TRIM55: variants seen among roughly 807,000 people sequenced by gnomAD.
TRIM55 encodes tripartite motif containing 55.
In TRIM55, 50 loss-of-function variants were observed where a neutral mutation model predicts 60.9. That is an observed-to-expected ratio of 0.82 (90% confidence interval 0.65 to 1.04). The LOEUF (loss-of-function observed/expected upper bound fraction) is 1.04. Among genes scored for constraint, TRIM55 ranks in the 50% least tolerant of loss-of-function variants. TRIM55 has a pLI of 0.00. For missense variants in TRIM55, 681 were observed against 666.9 expected (o/e 1.02, Z -0.23); for synonymous variants, 237 against 238.1 (o/e 1.00, Z 0.04).
intron 9 of TRIM55, among the ~76,000 whole-genome samples, chr8:66,156,296 C>A (rs1477134308): frequency 6.6e-6 from 1 of 152,124 alleles, no homozygotes; most frequent in Non-Finnish European, 1.5e-5. Context: ...GATGCCCTGA[C>A]TGAAGAAATA....
In TRIM55 at chr8:66,154,149, A is replaced by C; in HGVS notation, c.1339A>C (p.Lys447Gln). The C allele has an allele frequency of 6.2e-7, 1 of 1,614,102 alleles. No homozygotes were observed. The highest frequency in any genetic ancestry group is 8.5e-7 in the Non-Finnish European group (1 of 1,180,012). ...ADPLFYPSWY[K>Q]GQTRKATTNP... Reference sequence around the variant, plus strand: ...TCCCTTGTTTTACCCTAGTTGGTATAAAGGCCAAACCCGGAAAGCCACCAC... The same window carrying C: ...TCCCTTGTTTTACCCTAGTTGGTATCAAGGCCAAACCCGGAAAGCCACCAC... The change falls in exon 9 of 10, where the codon AAA becomes CAA. Residue 447 changes from lysine to glutamine, a missense_variant. Transcript: ENST00000315962.
At chr8:66,151,505 T>A (rs1019902278) in intron 7 of TRIM55, among the ~76,000 whole-genome samples, 1 of 152,120 alleles carries the variant, frequency 6.6e-6, no homozygotes, top group East Asian at 1.9e-4. Context: ...TGTATCTTTT[T>A]AAAAAAATCG....
In TRIM55 at chr8:66,154,288, C is replaced by A. The variant is rs764136262; in HGVS notation, c.1478C>A (p.Ala493Glu). The A allele has an allele frequency of 6.2e-7, 1 of 1,614,122 alleles. No individual in the cohort carries two copies. Among genetic ancestry groups the A allele is most frequent in the South Asian group, 1.1e-5 (1 of 91,084 alleles). The change falls in exon 9 of 10, where the codon GCA becomes GAA. Residue 493 changes from alanine (A) to glutamate (E), a missense_variant. Ala to Glu is a moderately radical substitution (Grantham distance 107, BLOSUM62 -1). Coordinates refer to ENST00000315962, the MANE Select transcript of TRIM55 (RefSeq NM_184085.2). ...EVAAAAASER[A>E]AVSGKETSAP... is the part of the protein sequence containing the mutation. The stretch of plus-strand genomic sequence containing the variant: ...GCAGCAGCCGCAGCGAGTGAGAGGG[C>A]AGCTGTGAGTGGTAAGGAAACTAGT...
intron 4 of TRIM55, among the ~76,000 whole-genome samples, chr8:66,143,800 A>G (rs188122502): frequency 2.4e-3 from 365 of 152,302 alleles, no homozygotes; most frequent in Non-Finnish European, 4.4e-3. Context: ...GGAACTAGTG[A>G]TGAGCTAAAC....
chr8:66,114,361 C>T, the TRIM55 span, among the ~76,000 whole-genome samples: 2 of 152,160 alleles, frequency 1.3e-5, no homozygotes, highest in Non-Finnish European at 2.9e-5. Context: ...CGAGCTCCAG[C>T]TTACCACTCT....
chr8:66,116,062 T>A, the TRIM55 span, among the ~76,000 whole-genome samples: 2 of 152,222 alleles, frequency 1.3e-5, no homozygotes, highest in African/African-American at 2.4e-5. Flanking sequence ...TATATGCGTT[T>A]ATATAAATAT....
At chr8:66,113,433 T>C in the TRIM55 span, 5 of 447,158 alleles carry the variant, frequency 1.1e-5, no homozygotes, top group African/African-American at 1.0e-4. Context: ...CATCCTTAGG[T>C]CGCTGGTTCG....
At chr8:66,128,781 C>T (rs1808976130) in intron 2 of TRIM55, among the ~76,000 whole-genome samples, 2 of 152,116 alleles carry the variant, frequency 1.3e-5, no homozygotes, top group Non-Finnish European at 2.9e-5. Flanking sequence ...CCTGGTATTA[C>T]ATCCATTTTA....
chr8:66,119,948 C>T, the TRIM55 span, among the ~76,000 whole-genome samples: 4 of 152,104 alleles, frequency 2.6e-5, no homozygotes, highest in Admixed American at 6.5e-5. Context: ...CCATCATTAG[C>T]GGAAATTCTT....
rs539857288 is a variant in TRIM55, at chr8:66,128,496, C to T, written c.341+20C>T. On this transcript the variant is annotated intron_variant, in intron 2 of 9. Coordinates refer to ENST00000315962, the MANE Select transcript of TRIM55 (RefSeq NM_184085.2). ...CACCAGGTAACACTCTTCCACTCTT[C>T]CATGTGTCAAGCCCATCTGAAACTT... The T allele has an allele frequency of 1.9e-6, 3 of 1,607,476 alleles. No homozygotes were observed. The South Asian group carries it at 3.3e-5, about 18-fold the overall frequency.
the TRIM55 span, among the ~76,000 whole-genome samples, chr8:66,113,859 C>T: frequency 6.6e-6 from 1 of 152,116 alleles, no homozygotes; most frequent in Non-Finnish European, 1.5e-5. Flanking sequence ...GGGGGGTCCG[C>T]GGGAAGAGGT....
At chr8:66,114,622 G>C in the TRIM55 span, 1 of 456,334 alleles carries the variant, frequency 2.2e-6, no homozygotes, top group South Asian at 1.5e-5. Context: ...AACAAAACAA[G>C]AAACAGAGAA....
At chr8:66,163,640 T>C (rs1346470930) in intron 9 of TRIM55, among the ~76,000 whole-genome samples, 2 of 152,236 alleles carry the variant, frequency 1.3e-5, no homozygotes. Flanking sequence ...CAGAATATAC[T>C]TTATATGTTT....
chr8:66,144,622 A>G (rs1810005875), intron 4 of TRIM55, among the ~76,000 whole-genome samples: 1 of 152,230 alleles, frequency 6.6e-6, no homozygotes, highest in East Asian at 1.9e-4. Context: ...AATGGAGACT[A>G]TTTGAAAAGA....
chr8:66,142,214 A>T (rs1016237439), intron 4 of TRIM55, among the ~76,000 whole-genome samples: 1 of 152,218 alleles, frequency 6.6e-6, no homozygotes, highest in Non-Finnish European at 1.5e-5. Flanking sequence ...TGATGATGTG[A>T]TCCAATAGGA....
intron 9 of TRIM55, among the ~76,000 whole-genome samples, chr8:66,171,494 A>T (rs1350233933): frequency 6.6e-6 from 1 of 152,242 alleles, no homozygotes; most frequent in Non-Finnish European, 1.5e-5. Context: ...ATTAAAAAAC[A>T]TGTGACTGTA....
At chr8:66,159,662 T>C (rs1020990190) in intron 9 of TRIM55, among the ~76,000 whole-genome samples, 1 of 152,222 alleles carries the variant, frequency 6.6e-6, no homozygotes, top group Admixed American at 6.5e-5. Context: ...ACCAGCAAGG[T>C]AAGAGAGCTC....
At chr8:66,129,754 T>C (rs1246716187) in intron 2 of TRIM55, among the ~76,000 whole-genome samples, 2 of 152,236 alleles carry the variant, frequency 1.3e-5, no homozygotes, top group Admixed American at 6.5e-5. Context: ...CAATTAATTA[T>C]GAGATTGATG....
upstream of TRIM55, among the ~76,000 whole-genome samples, chr8:66,123,800 G>A (rs954887271): frequency 1.3e-5 from 2 of 152,204 alleles, no homozygotes; most frequent in African/African-American, 4.8e-5. Context: ...TGAGGTTTCA[G>A]TGAGCTATGA....
Sources: gnomAD v4.1 joint callset for allele counts (sites outside exome capture counted in the v4.1 genomes callset) on GRCh38, gnomAD v4.1.1 for gene constraint, MANE v1.5 for transcripts, NCBI Gene and HGNC (gene_info 2026-07-23, HGNC 2026-07-21) for gene names.